Variants in ADGRV1 observed in about 807,000 individuals in gnomAD.
The protein encoded by ADGRV1 is adhesion G protein-coupled receptor V1, also known as G-protein coupled receptor 98.
ADGRV1 carries 359 observed loss-of-function variants against 596.2 expected under a neutral mutation model. The observed-to-expected ratio is 0.60, with a 90% CI of 0.55 to 0.66. The LOEUF (loss-of-function observed/expected upper bound fraction) is 0.66, where lower values mean the gene tolerates loss of function less well. ADGRV1 is among the 30% of genes least tolerant of loss of function. ADGRV1 has a pLI of 0.00. For missense variants in ADGRV1, 7,274 were observed against 7,575.6 expected, an observed-to-expected ratio of 0.96 and a Z score of 1.48; for synonymous variants, 2,681 against 2,679.2, an observed-to-expected ratio of 1.00 and a Z score of -0.02.
chr5:90,961,141 T>C (rs766288526), intron 83 of ADGRV1, among the ~76,000 whole-genome samples: 3 of 152,052 alleles, frequency 2.0e-5, no homozygotes, highest in East Asian at 1.9e-4. Context: ...CTTTAAAAAA[T>C]AGGATAGTCT....
intron 43 of ADGRV1, 81 bp from the exon 44 acceptor site, chr5:90,719,967 G>A: frequency 4.7e-6 from 5 of 1,062,388 alleles, no homozygotes; most frequent in South Asian, 2.8e-5. Flanking sequence ...TTTGTTGTCA[G>A]AAATGTTCAG....
At chr5:90,687,827 G>A (rs1415197453) in intron 29 of ADGRV1, among the ~76,000 whole-genome samples, 1 of 151,970 alleles carries the variant, frequency 6.6e-6, no homozygotes, top group Non-Finnish European at 1.5e-5. Flanking sequence ...AAATACCTAG[G>A]AATCCAACTT....
At chr5:90,901,415 T>C (rs567772593) in intron 83 of ADGRV1, among the ~76,000 whole-genome samples, 1 of 152,200 alleles carries the variant, frequency 6.6e-6, no homozygotes, top group Admixed American at 6.6e-5. Flanking sequence ...CAGCTGCCCT[T>C]CATGTGTGGT....
chr5:90,653,315 G>A lies in ADGRV1; in HGVS notation c.3741G>A (p.Glu1247=), dbSNP rs371571867. ...DPFGVFILDP[E]CLEREVAEDV... is the part of the protein sequence containing the mutation. ...TTGGAGTTTTTATCTTGGATCCAGAGTGTTTAGAGAGAGAAGTGGCAGAAG... is the reference window on the plus strand; with the variant it reads ...TTGGAGTTTTTATCTTGGATCCAGAATGTTTAGAGAGAGAAGTGGCAGAAG... Residue 1247 remains glutamate, a synonymous_variant, in exon 20 of 90, where the codon GAG becomes GAA. Transcript: ENST00000405460. 1.8e-4 allele frequency: 298 copies of A among 1,613,942 alleles called. No individual in the cohort carries two copies. The highest frequency in any genetic ancestry group is 8.5e-5 in the Non-Finnish European group (100 of 1,179,876).
intron 85 of ADGRV1, among the ~76,000 whole-genome samples, chr5:91,054,567 G>A (rs1172089182): frequency 6.6e-6 from 1 of 152,136 alleles, no homozygotes; most frequent in Non-Finnish European, 1.5e-5. Context: ...AGGCTGGGAA[G>A]TTCAATATCA....
rs112688917 is a variant in ADGRV1 at position 91,145,197 on chromosome 5, GA to G, written c.18433-4824del. On this transcript the variant is annotated intron_variant, in intron 87 of 89. Coordinates refer to ENST00000405460, the MANE Select transcript of ADGRV1 (RefSeq NM_032119.4). ...TTACTGTATATTTCTATGCTTTTAA[GA>G]AAAAAAAACATGCAGCTTTCACATG... is the stretch of plus-strand genomic sequence containing the variant. Among the ~76,000 whole-genome samples the G allele has an allele frequency of 1.3e-4, 19 of 150,804 alleles. 1 individual carries two copies. The South Asian group carries it at 1.5e-3, about 12-fold the overall frequency.
intron 41 of ADGRV1, 82 bp downstream of exon 41, chr5:90,711,404 C>A: frequency 3.9e-6 from 4 of 1,013,402 alleles, no homozygotes; most frequent in Non-Finnish European, 5.5e-6. Flanking sequence ...TGATTTAGGT[C>A]CCATATAAAT....
intron 27 of ADGRV1, among the ~76,000 whole-genome samples, chr5:90,683,218 AT>A (rs1277524713): frequency 7.1e-6 from 1 of 140,428 alleles, no homozygotes; most frequent in Non-Finnish European, 1.5e-5. Context: ...TGTTTTATTT[AT>A]TTTTTTTAAG....
chr5:90,757,574 A>G (rs1337859502), intron 57 of ADGRV1, among the ~76,000 whole-genome samples: 1 of 152,202 alleles, frequency 6.6e-6, no homozygotes, highest in African/African-American at 2.4e-5. Context: ...AAGTGTGGAC[A>G]GTTTTTACTT....
At position 90,745,605 on chromosome 5, in the gene ADGRV1, T is replaced by G. The variant is rs748938933; in HGVS notation, c.10784T>G (p.Ile3595Arg). Reference protein sequence around the residue: ...SDFIPSSGELIFEPGEREATI... With the variant: ...SDFIPSSGELRFEPGEREATI... ...TCTTATGGTAGTTCAGGTGAACTGA[T>G]ATTTGAACCTGGTGAGAGAGAAGCT... Residue 3595 changes from isoleucine to arginine, a missense_variant, in exon 52 of 90, where the codon ATA (isoleucine) becomes AGA (arginine). Ile to Arg is a moderately conservative substitution (Grantham distance 97, BLOSUM62 -3). Coordinates refer to ENST00000405460, the MANE Select transcript of ADGRV1 (RefSeq NM_032119.4). The G allele has an allele frequency of 3.7e-6, 6 of 1,609,872 alleles. No individual in the cohort carries two copies. In the Admixed American group the frequency reaches 6.7e-5, roughly 18 times the overall value.
At chr5:91,086,313 C>A (rs10454910) in intron 86 of ADGRV1, among the ~76,000 whole-genome samples, 65,171 of 152,028 alleles carry the variant, frequency 0.43, 16,438 homozygotes, top group Non-Finnish European at 0.57. Context: ...TCTCTCTGAT[C>A]GCTTGTCCTT....
chr5:91,094,057 C>T (rs1018296244), intron 86 of ADGRV1, among the ~76,000 whole-genome samples: 10 of 151,808 alleles, frequency 6.6e-5, no homozygotes. Flanking sequence ...TCGCCATGTT[C>T]GCCAGGACAG....
At chr5:90,788,332 T>A (rs777391899) in intron 68 of ADGRV1, 22 bp downstream of exon 68, 43 of 1,570,076 alleles carry the variant, frequency 2.7e-5, no homozygotes, top group Non-Finnish European at 3.6e-5. Context: ...TTTATTTTTC[T>A]CACAAAATGT....
chr5:90,953,672 A>G (rs1777232500), intron 83 of ADGRV1, among the ~76,000 whole-genome samples: 1 of 152,114 alleles, frequency 6.6e-6, no homozygotes, highest in Non-Finnish European at 1.5e-5. Flanking sequence ...AAAACAATTC[A>G]AAGTTTAAAA....
intron 84 of ADGRV1, among the ~76,000 whole-genome samples, chr5:90,984,282 G>C (rs1232092738): frequency 6.6e-6 from 1 of 152,064 alleles, no homozygotes; most frequent in East Asian, 1.9e-4. Flanking sequence ...TTGAGAAGGA[G>C]GATTTATCCA....
intron 85 of ADGRV1, among the ~76,000 whole-genome samples, chr5:91,030,207 C>A (rs1446961511): frequency 6.6e-6 from 1 of 152,048 alleles, no homozygotes; most frequent in Non-Finnish European, 1.5e-5. Context: ...GATAGATATT[C>A]AAATATTAAA....
chr5:90,838,828 C>A (rs1010096683), intron 77 of ADGRV1, among the ~76,000 whole-genome samples: 3 of 152,082 alleles, frequency 2.0e-5, no homozygotes, highest in Non-Finnish European at 4.4e-5. Flanking sequence ...GAGTTGGATA[C>A]CAGCCTTGTT....
At chr5:90,688,862 A>G (rs1308292076) in intron 29 of ADGRV1, among the ~76,000 whole-genome samples, 1 of 152,184 alleles carries the variant, frequency 6.6e-6, no homozygotes, top group Non-Finnish European at 1.5e-5. Flanking sequence ...GTGCTTGGCA[A>G]CAGTCTTGTC....
At chr5:90,774,832 G>GT (rs771590148) in intron 60 of ADGRV1, among the ~76,000 whole-genome samples, 10 of 152,110 alleles carry the variant, frequency 6.6e-5, no homozygotes, top group Non-Finnish European at 8.8e-5. Flanking sequence ...GTTAATAGTG[G>GT]TTTTTGATTA....
Sources: allele counts gnomAD v4.1 joint callset (sites outside exome capture counted in the v4.1 genomes callset), GRCh38; gene constraint gnomAD v4.1.1; transcripts MANE v1.5; gene names NCBI Gene and HGNC (gene_info 2026-07-23, HGNC 2026-07-21).